The following SLC25A21 variants were observed in gnomAD, a reference collection of about 807,000 sequenced individuals.
The protein encoded by SLC25A21 is solute carrier family 25 member 21, also known as mitochondrial 2-oxodicarboxylate carrier.
SLC25A21 carries 47 observed loss-of-function variants against 43.8 expected under a neutral mutation model. The ratio of observed to expected loss-of-function variants is 1.07; its 90% confidence interval spans 0.85 to 1.37. The LOEUF (loss-of-function observed/expected upper bound fraction) is 1.37, where lower values mean the gene tolerates loss of function less well. Among genes scored for constraint, SLC25A21 ranks in the 40% most tolerant of loss-of-function variants. The pLI is 0.00. For missense variants in SLC25A21, 352 were observed against 350.2 expected (o/e 1.00, Z -0.04); for synonymous variants, 131 against 121.3 (o/e 1.08, Z -0.52).
At chr14:36,994,740 C>T (rs963791953) in intron 1 of SLC25A21, among the ~76,000 whole-genome samples, 12 of 152,240 alleles carry the variant, frequency 7.9e-5, no homozygotes, top group Middle Eastern at 3.4e-3. Flanking sequence ...TACCTTGAAT[C>T]TAACAACACC....
chr14:37,071,869 A>T (rs947259900), intron 1 of SLC25A21, among the ~76,000 whole-genome samples: 5 of 152,174 alleles, frequency 3.3e-5, no homozygotes, highest in Admixed American at 2.6e-4. Context: ...TAAATGTTAA[A>T]TATACCCTTA....
At chr14:36,873,249 A>T (rs848034) in intron 2 of SLC25A21, among the ~76,000 whole-genome samples, 1 of 152,156 alleles carries the variant, frequency 6.6e-6, no homozygotes, top group South Asian at 2.1e-4. Flanking sequence ...CGCATACCTT[A>T]CATTTGAATA....
At chr14:36,945,800 G>A (rs1227061080) in intron 1 of SLC25A21, among the ~76,000 whole-genome samples, 1 of 152,116 alleles carries the variant, frequency 6.6e-6, no homozygotes, top group Admixed American at 6.6e-5. Context: ...GGTGGAGATG[G>A]CTGTGCAATA....
chr14:37,056,786 T>C (rs1457809057), intron 1 of SLC25A21, among the ~76,000 whole-genome samples: 2 of 152,214 alleles, frequency 1.3e-5, no homozygotes, highest in Non-Finnish European at 2.9e-5. Flanking sequence ...CGTTCATCCA[T>C]ATCCATCACA....
rs187885731 is a variant in SLC25A21 at position 36,680,724 on chromosome 14, A to G, written c.839-5T>C. 1,298 of 1,610,650 alleles carry G rather than the reference A, an allele frequency of 8.1e-4. 8 individuals are homozygous for G. In the Middle Eastern group the frequency reaches 9.9e-3, roughly 12 times the overall value. ...CCAGCAGCATCACTGCACCACCTAG[A>G]AAAGAAAAGAGCTGTTTTTTATTGC... On this transcript the variant is annotated splice_polypyrimidine_tract_variant and splice_region_variant and intron_variant, in intron 9 of 9. Transcript: ENST00000331299.
At chr14:36,771,233 A>G (rs569989609) in intron 3 of SLC25A21, among the ~76,000 whole-genome samples, 2 of 152,348 alleles carry the variant, frequency 1.3e-5, no homozygotes, top group African/African-American at 4.8e-5. Flanking sequence ...TGTAAACCTC[A>G]GCATTCTTCA....
chr14:36,774,390 G>A (rs963359582), intron 3 of SLC25A21, among the ~76,000 whole-genome samples: 6 of 152,240 alleles, frequency 3.9e-5, no homozygotes, highest in Non-Finnish European at 1.5e-5. Context: ...ATGTGACATT[G>A]CAGAAACTAT....
At chr14:37,032,703 A>T (rs1475042454) in intron 1 of SLC25A21, among the ~76,000 whole-genome samples, 1 of 151,620 alleles carries the variant, frequency 6.6e-6, no homozygotes, top group Non-Finnish European at 1.5e-5. Flanking sequence ...CAGATGAAAC[A>T]AGATGGGGAA....
chr14:37,078,193 T>TG (rs1235175488), intron 1 of SLC25A21, among the ~76,000 whole-genome samples: 2 of 152,198 alleles, frequency 1.3e-5, no homozygotes, highest in African/African-American at 4.8e-5. Context: ...CTGTGGTTAT[T>TG]TGTGGTTAAT....
intron 1 of SLC25A21, among the ~76,000 whole-genome samples, chr14:37,155,083 T>C (rs116396734): frequency 0.051 from 7,718 of 152,074 alleles, 653 homozygotes; most frequent in African/African-American, 0.18. Flanking sequence ...CTCTTTTTTT[T>C]TTTTTAAGAT....
chr14:37,090,615 A>G (rs915991505), intron 1 of SLC25A21, among the ~76,000 whole-genome samples: 2 of 150,952 alleles, frequency 1.3e-5, no homozygotes, highest in African/African-American at 5.0e-5. Flanking sequence ...GAAAAGATAC[A>G]GTTAGAAGGG....
At chr14:37,161,331 C>T (rs1216806290) in intron 1 of SLC25A21, among the ~76,000 whole-genome samples, 1 of 152,072 alleles carries the variant, frequency 6.6e-6, no homozygotes, top group African/African-American at 2.4e-5. Context: ...TAAAGGTAAA[C>T]ATGGATATGC....
Position 36,875,908 on chromosome 14 carries a change from T to C in SLC25A21, c.71-904A>G, listed in dbSNP as rs146688258. Among the ~76,000 whole-genome samples the C allele has an allele frequency of 3.0e-4, 45 of 152,328 alleles. No individual in the cohort carries two copies. In the East Asian group the frequency reaches 7.7e-3, roughly 26 times the overall value. ...GTACTAGTAGTTGTAAAAATAATTA[T>C]AGTAGTCATCATTATGGTATTATAG... On this transcript the variant is annotated intron_variant, in intron 1 of 9. Coordinates refer to ENST00000331299, the MANE Select transcript of SLC25A21 (RefSeq NM_030631.4).
intron 2 of SLC25A21, among the ~76,000 whole-genome samples, chr14:36,845,222 C>T (rs1470279461): frequency 6.6e-6 from 1 of 152,068 alleles, no homozygotes; most frequent in Non-Finnish European, 1.5e-5. Flanking sequence ...TGGAAAAATT[C>T]ACCTCTCCTG....
At chr14:37,060,604 ACCAC>A (rs1032833624) in intron 1 of SLC25A21, among the ~76,000 whole-genome samples, 25 of 120,274 alleles carry the variant, frequency 2.1e-4, no homozygotes, top group African/African-American at 9.9e-4. Context: ...TCCATTAAAC[ACCAC>A]ACACACACAC....
intron 1 of SLC25A21, among the ~76,000 whole-genome samples, chr14:37,098,805 A>ATAGATAGATT (rs1555346903): frequency 7.7e-6 from 1 of 129,544 alleles, no homozygotes; most frequent in African/African-American, 3.8e-5. Flanking sequence ...AGATAGATAG[A>ATAGATAGATT]TTTTTTTTTT....
intron 1 of SLC25A21, among the ~76,000 whole-genome samples, chr14:37,024,581 A>G (rs753033470): frequency 2.6e-5 from 4 of 152,022 alleles, no homozygotes; most frequent in Non-Finnish European, 5.9e-5. Context: ...ACCCTTTGGG[A>G]GGAAGATAAA....
chr14:36,758,194 C>T (rs1423166616), intron 3 of SLC25A21, among the ~76,000 whole-genome samples: 1 of 152,188 alleles, frequency 6.6e-6, no homozygotes, highest in Non-Finnish European at 1.5e-5. Flanking sequence ...GGTGACTAAT[C>T]TCAGCTTAGT....
chr14:37,023,697 A>G (rs551052345), intron 1 of SLC25A21, among the ~76,000 whole-genome samples: 2 of 152,038 alleles, frequency 1.3e-5, no homozygotes, highest in African/African-American at 4.8e-5. Flanking sequence ...CCTTCCAAAT[A>G]TTCTTTGCTC....
Sources: allele counts gnomAD v4.1 joint callset (sites outside exome capture counted in the v4.1 genomes callset), GRCh38; gene constraint gnomAD v4.1.1; transcripts MANE v1.5; gene names NCBI Gene and HGNC (gene_info 2026-07-23, HGNC 2026-07-21).